Variants in FOCAD observed in about 807,000 individuals in gnomAD.
The protein encoded by FOCAD is focadhesin, also known as KIAA1797.
Under a neutral mutation model 225.6 loss-of-function variants are expected in FOCAD, and 198 were observed. The ratio of observed to expected loss-of-function variants is 0.88; its 90% CI spans 0.78 to 0.99. FOCAD has a LOEUF of 0.99. Among genes scored for constraint, FOCAD ranks in the 50% least tolerant of loss-of-function variants. The probability of loss-of-function intolerance (pLI) is 0.00; values close to 1 mark genes in which losing one functional copy is unlikely to be tolerated. For missense variants in FOCAD, 2,713 were observed against 2,123.6 expected (o/e 1.28, Z -5.46); for synonymous variants, 897 against 755.0 (o/e 1.19, Z -3.08).
chr9:20,699,147 G>T (rs145527902), intron 1 of FOCAD, among the ~76,000 whole-genome samples: 10 of 152,270 alleles, frequency 6.6e-5, no homozygotes, highest in Non-Finnish European at 1.3e-4. Context: ...TACCTTATTT[G>T]TGTGGCTTGT....
At chr9:20,940,028 C>G (rs1195540086) in intron 28 of FOCAD, among the ~76,000 whole-genome samples, 1 of 151,908 alleles carries the variant, frequency 6.6e-6, no homozygotes, top group Non-Finnish European at 1.5e-5. Context: ...TCAATTCCCA[C>G]CTATGACTGA....
Position 20,951,114 on chromosome 9 carries a change from T to G in FOCAD, c.4051+16T>G, listed in dbSNP as rs868272990. The G allele has an allele frequency of 6.3e-7, 1 of 1,593,710 alleles. No homozygotes were observed. The highest frequency in any genetic ancestry group is 1.7e-4 in the Middle Eastern group (1 of 6,034). Reference sequence around the variant, plus strand: ...AGAGCCTCTGGTAAGATTAAAGTCATAAAATACTGGAGCTGGAAGGGAGGG... The same window carrying G: ...AGAGCCTCTGGTAAGATTAAAGTCAGAAAATACTGGAGCTGGAAGGGAGGG... On this transcript the variant is annotated intron_variant, in intron 34 of 43. Transcript: ENST00000338382.
intron 5 of FOCAD, 78 bp from the exon 6 acceptor site, chr9:20,758,012 T>G: frequency 1.2e-6 from 1 of 857,616 alleles, no homozygotes; most frequent in Admixed American, 2.6e-5. Flanking sequence ...GGTACTGGCT[T>G]CTTTGCTGCT....
chr9:20,845,343 C>G (rs1425868977), intron 15 of FOCAD, among the ~76,000 whole-genome samples: 1 of 151,072 alleles, frequency 6.6e-6, no homozygotes, highest in South Asian at 2.1e-4. Context: ...CTGAACATCT[C>G]TGTATGTCTA....
At chr9:20,956,599 C>T (rs1359903540) in intron 35 of FOCAD, among the ~76,000 whole-genome samples, 5 of 151,928 alleles carry the variant, frequency 3.3e-5, no homozygotes, top group Admixed American at 6.6e-5. Flanking sequence ...TAACTAGCAC[C>T]CATGTCTTCC....
intron 5 of FOCAD, among the ~76,000 whole-genome samples, chr9:20,750,519 CA>C (rs1289381849): frequency 1.3e-5 from 2 of 152,192 alleles, no homozygotes; most frequent in South Asian, 4.1e-4. Context: ...TGCAGAAAAA[CA>C]ACAACAAAAA....
chr9:20,855,981 C>T (rs1828142678), intron 15 of FOCAD, among the ~76,000 whole-genome samples: 1 of 151,608 alleles, frequency 6.6e-6, no homozygotes, highest in Non-Finnish European at 1.5e-5. Context: ...TTTCTTTATT[C>T]ATTCATCTGT....
At chr9:20,938,611 G>C (rs1836274324) in intron 28 of FOCAD, among the ~76,000 whole-genome samples, 1 of 152,024 alleles carries the variant, frequency 6.6e-6, no homozygotes, top group South Asian at 2.1e-4. Context: ...GATAGCATTA[G>C]GGGATATACC....
intron 15 of FOCAD, among the ~76,000 whole-genome samples, chr9:20,839,189 TC>T (rs778646113): frequency 9.2e-5 from 14 of 151,976 alleles, no homozygotes; most frequent in Non-Finnish European, 1.9e-4. Flanking sequence ...CCATGCTTAT[TC>T]CAGGTGTGGA....
At chr9:20,887,529 C>T (rs1415893778) in intron 21 of FOCAD, among the ~76,000 whole-genome samples, 3 of 152,200 alleles carry the variant, frequency 2.0e-5, no homozygotes, top group Non-Finnish European at 4.4e-5. Context: ...GCCACTGTGC[C>T]CAGCCATATT....
At chr9:20,941,829 G>A (rs547505982) in intron 28 of FOCAD, among the ~76,000 whole-genome samples, 1 of 152,312 alleles carries the variant, frequency 6.6e-6, no homozygotes, top group East Asian at 1.9e-4. Flanking sequence ...TGGACAGAAA[G>A]TTATAAAAGC....
Position 20,866,917 on chromosome 9 carries a change from T to TTTTTTTTTTTAAA in FOCAD, c.2107-12_2107-11insTTTTTTTTTTAAA. On this transcript the variant is annotated splice_polypyrimidine_tract_variant and intron_variant, in intron 17 of 43. Transcript: ENST00000338382. ...TTTTTTTTTTTTTTTTTTTTTTTTTTACCCTATCTAGGACCCAATTGTAGC... is the reference window on the plus strand; with the variant it reads ...TTTTTTTTTTTTTTTTTTTTTTTTTTTTTTTTTTTTAAAACCCTATCTAGGACCCAATTGTAGC... The TTTTTTTTTTTAAA allele has an allele frequency of 2.6e-6, 2 of 764,968 alleles. No individual in the cohort carries two copies. The highest frequency in any genetic ancestry group is 4.0e-6 in the Non-Finnish European group (2 of 498,466). The allele number at this position is 764,968 out of a possible 1,614,324, so 47.4% of individuals were successfully genotyped here. A position where few individuals can be genotyped will look rare whatever the true frequency, so the allele number is the denominator to read the frequency against.
chr9:20,758,271 G>GTT, intron 6 of FOCAD, 80 bp downstream of exon 6: 3 of 922,832 alleles, frequency 3.3e-6, no homozygotes. Context: ...GTTTTTTTTT[G>GTT]TTTGTTTGTT....
Position 20,867,032 on chromosome 9 carries a change from C to T in FOCAD, c.2190+20C>T, listed in dbSNP as rs777069707. On this transcript the variant is annotated intron_variant, in intron 18 of 43. Coordinates refer to ENST00000338382, the MANE Select transcript of FOCAD (RefSeq NM_001375567.1). ...GAAAAGGTAGGCATATCTGCTTTCT[C>T]ACTGGTATTTCTTAATTTGCTAGGG... The T allele has an allele frequency of 2.0e-6, 3 of 1,488,940 alleles. No individual in the cohort carries two copies. Among genetic ancestry groups the T allele is most frequent in the Non-Finnish European group, 2.8e-6 (3 of 1,084,784 alleles). The allele number at this position is 1,488,940 out of a possible 1,614,324, so 92.2% of individuals were successfully genotyped here.
chr9:20,879,540 G>A (rs1482688335), intron 19 of FOCAD, among the ~76,000 whole-genome samples: 1 of 152,022 alleles, frequency 6.6e-6, no homozygotes, highest in African/African-American at 2.4e-5. Context: ...GCATTCCATT[G>A]TGTGAATGTA....
intron 8 of FOCAD, among the ~76,000 whole-genome samples, chr9:20,774,310 G>A (rs910409783): frequency 6.6e-6 from 1 of 152,150 alleles, no homozygotes; most frequent in East Asian, 1.9e-4. Flanking sequence ...AGGGGATGGT[G>A]TGTTCTGTCA....
chr9:20,690,087 G>A (rs1487640112), intron 1 of FOCAD, among the ~76,000 whole-genome samples: 1 of 152,148 alleles, frequency 6.6e-6, no homozygotes, highest in East Asian at 1.9e-4. Flanking sequence ...GGGCCCAGAG[G>A]TATAGGAAAT....
intron 4 of FOCAD, among the ~76,000 whole-genome samples, chr9:20,739,844 G>C (rs1250433779): frequency 6.6e-6 from 1 of 152,054 alleles, no homozygotes; most frequent in Non-Finnish European, 1.5e-5. Context: ...CCACTTTTTA[G>C]AGTGGCTGAT....
Position 20,855,546 on chromosome 9 carries a change from A to G in FOCAD, c.1921-7032A>G, listed in dbSNP as rs143237878. The stretch of plus-strand genomic sequence containing the variant: ...ATATAGTCAAACTGTGTAATGATCA[A>G]ATCAGGATAACTGGGGTATCCATCA... On this transcript the variant is annotated intron_variant, in intron 15 of 43. Transcript: ENST00000338382. Among the ~76,000 whole-genome samples the G allele has an allele frequency of 5.3e-3, 812 of 151,894 alleles. 4 individuals carry two copies. The highest frequency in any genetic ancestry group is 9.0e-3 in the Non-Finnish European group (611 of 67,756).
Sources: allele counts gnomAD v4.1 joint callset (sites outside exome capture counted in the v4.1 genomes callset), GRCh38; gene constraint gnomAD v4.1.1; transcripts MANE v1.5; gene names NCBI Gene and HGNC (gene_info 2026-07-23, HGNC 2026-07-21).